NDST4: variants seen among roughly 807,000 people sequenced by gnomAD.
The protein encoded by NDST4 is N-heparan sulfate sulfotransferase 4.
A neutral mutation model predicts 100.8 loss-of-function variants in NDST4; 63 were observed. That is an observed-to-expected ratio of 0.62 (90% CI 0.51 to 0.77). The LOEUF is 0.77. NDST4 is among the 30% of genes least tolerant of loss of function. The pLI, the probability that NDST4 is intolerant of heterozygous loss-of-function variation, is 0.00. For synonymous variants in NDST4, 377 were observed against 361.8 expected (o/e 1.04, Z -0.48); for missense variants, 943 against 1,018.4 (o/e 0.93, Z 1.01).
intron 7 of NDST4, among the ~76,000 whole-genome samples, chr4:114,864,404 T>G (rs1311063309): frequency 6.6e-6 from 1 of 152,154 alleles, no homozygotes; most frequent in African/African-American, 2.4e-5. Flanking sequence ...CTGTGTTGTT[T>G]CTTAATTTTT....
At chr4:114,860,494 C>T (rs74341528) in intron 7 of NDST4, among the ~76,000 whole-genome samples, 2 of 152,066 alleles carry the variant, frequency 1.3e-5, no homozygotes, top group Admixed American at 6.5e-5. Context: ...TATGAAGTAT[C>T]CTCAAAAATA....
intron 1 of NDST4, among the ~76,000 whole-genome samples, chr4:115,107,032 C>T (rs986582937): frequency 6.6e-6 from 1 of 151,890 alleles, no homozygotes; most frequent in African/African-American, 2.4e-5. Flanking sequence ...GTGGTGTGCA[C>T]CTATAGTCCC....
intron 2 of NDST4, among the ~76,000 whole-genome samples, chr4:115,062,366 T>G (rs1384119153): frequency 2.0e-5 from 3 of 151,900 alleles, no homozygotes; most frequent in Non-Finnish European, 4.4e-5. Flanking sequence ...AAAATTAAAT[T>G]TTTAGGCTCA....
chr4:115,060,759 A>C (rs538831694), intron 2 of NDST4, among the ~76,000 whole-genome samples: 1 of 151,804 alleles, frequency 6.6e-6, no homozygotes, highest in East Asian at 1.9e-4. Flanking sequence ...ACACACACAC[A>C]GAGAGATACA....
intron 6 of NDST4, among the ~76,000 whole-genome samples, chr4:114,884,050 G>A (rs1724427754): frequency 6.6e-6 from 1 of 152,110 alleles, no homozygotes; most frequent in Non-Finnish European, 1.5e-5. Flanking sequence ...GTCATGCCAT[G>A]CTCACACTGA....
chr4:114,982,721 G>A (rs1414340369), intron 2 of NDST4, among the ~76,000 whole-genome samples: 3 of 152,186 alleles, frequency 2.0e-5, no homozygotes, highest in Admixed American at 6.5e-5. Context: ...CATAAGTCAA[G>A]AGGAGCCAAA....
At position 114,839,587 on chromosome 4, in the gene NDST4, T is replaced by A. The variant is rs777662467; in HGVS notation, c.2116-39A>T. The A allele has an allele frequency of 2.1e-5, 34 of 1,602,238 alleles. No homozygotes were observed. In the East Asian group the frequency reaches 4.2e-4, roughly 20 times the overall value. ...GTCAATTGTAAAGTTAGATTTTTTT[T>A]AATGCCTGTGTAGATATGCATATGT... On this transcript the variant is annotated intron_variant, in intron 10 of 13. Coordinates refer to ENST00000264363, the MANE Select transcript of NDST4 (RefSeq NM_022569.3).
At chr4:114,855,947 A>C (rs1169669763) in intron 7 of NDST4, among the ~76,000 whole-genome samples, 2 of 152,046 alleles carry the variant, frequency 1.3e-5, no homozygotes, top group East Asian at 3.8e-4. Flanking sequence ...TCCTTCTCAA[A>C]TTTGCATTTC....
chr4:115,021,628 C>T (rs1198817699), intron 2 of NDST4, among the ~76,000 whole-genome samples: 4 of 140,390 alleles, frequency 2.8e-5, no homozygotes, highest in South Asian at 2.4e-4. Flanking sequence ...TATATACACA[C>T]GTTCCACATA....
chr4:115,038,575 T>A (rs1187870636), intron 2 of NDST4, among the ~76,000 whole-genome samples: 1 of 152,204 alleles, frequency 6.6e-6, no homozygotes, highest in Non-Finnish European at 1.5e-5. Context: ...ATATCAATAT[T>A]GTGCATTTGT....
intron 2 of NDST4, among the ~76,000 whole-genome samples, chr4:115,033,552 A>T (rs1205743190): frequency 6.6e-6 from 1 of 151,566 alleles, no homozygotes; most frequent in Non-Finnish European, 1.5e-5. Context: ...AATTTATTTG[A>T]TTAATTGTGT....
rs1343298205 is a variant in NDST4 at position 115,087,011 on chromosome 4, C to A, written c.-246-9729G>T. Reference sequence around the variant, plus strand: ...TTTATATTTATAGCTAAGATTTCATCACTGAATTTTACCCTTATACTACTA... The same window carrying A: ...TTTATATTTATAGCTAAGATTTCATAACTGAATTTTACCCTTATACTACTA... On this transcript the variant is annotated intron_variant, in intron 1 of 13. Coordinates refer to ENST00000264363, the MANE Select transcript of NDST4 (RefSeq NM_022569.3). Among the ~76,000 whole-genome samples, 3 of 152,100 alleles carry A rather than the reference C, an allele frequency of 2.0e-5. No homozygotes were observed. The East Asian group carries it at 5.8e-4, about 29-fold the overall frequency.
intron 3 of NDST4, among the ~76,000 whole-genome samples, 168 bp from the exon 4 acceptor site, chr4:114,970,752 A>G (rs1726495312): frequency 6.6e-6 from 1 of 152,150 alleles, no homozygotes. Flanking sequence ...TCAAAGGCAA[A>G]GGGACTTGGG....
intron 1 of NDST4, among the ~76,000 whole-genome samples, chr4:115,090,205 AT>A (rs1729488273): frequency 2.6e-5 from 4 of 151,758 alleles, no homozygotes; most frequent in Admixed American, 6.6e-5. Context: ...GGAAATATAT[AT>A]TTTTACTAGG....
At chr4:114,933,432 C>CTTT (rs367931653) in intron 6 of NDST4, among the ~76,000 whole-genome samples, 10,139 of 88,656 alleles carry the variant, frequency 0.11, 568 homozygotes, top group African/African-American at 0.19. Context: ...TTTTCTTTTC[C>CTTT]TTTTTTTTTT....
intron 2 of NDST4, among the ~76,000 whole-genome samples, chr4:115,001,031 ACC>A (rs1727279101): frequency 6.6e-6 from 1 of 151,988 alleles, no homozygotes; most frequent in Non-Finnish European, 1.5e-5. Context: ...CATCCTCATG[ACC>A]CACTCTTCAT....
At chr4:114,833,537 A>G (rs1247067089) in intron 12 of NDST4, 69 bp downstream of exon 12, 3 of 980,386 alleles carry the variant, frequency 3.1e-6, no homozygotes, top group Admixed American at 1.8e-5. Context: ...GATGTTATAT[A>G]CACACCTACC....
chr4:114,867,432 C>A (rs1724049953), intron 7 of NDST4, among the ~76,000 whole-genome samples: 1 of 151,944 alleles, frequency 6.6e-6, no homozygotes, highest in Non-Finnish European at 1.5e-5. Context: ...GAAACTTCAG[C>A]TCTTTGAGCA....
At chr4:114,928,394 C>T (rs1043998758) in intron 6 of NDST4, among the ~76,000 whole-genome samples, 2 of 152,148 alleles carry the variant, frequency 1.3e-5, no homozygotes, top group Non-Finnish European at 2.9e-5. Context: ...TTAATCATAG[C>T]CCATCACCTC....
Sources: allele counts gnomAD v4.1 joint callset (sites outside exome capture counted in the v4.1 genomes callset), GRCh38; gene constraint gnomAD v4.1.1; transcripts MANE v1.5; gene names NCBI Gene and HGNC (gene_info 2026-07-23, HGNC 2026-07-21).